Variants in SBF2 observed in about 807,000 individuals in gnomAD.
The protein encoded by SBF2 is SET binding factor 2, also known as myotubularin-related protein 13.
In SBF2, 112 loss-of-function variants were observed where a neutral mutation model predicts 225.2. The ratio of observed to expected loss-of-function variants is 0.50; its 90% confidence interval spans 0.43 to 0.58. The LOEUF (loss-of-function observed/expected upper bound fraction) is 0.58, where lower values mean the gene tolerates loss of function less well. Among genes scored for constraint, SBF2 ranks in the 20% least tolerant of loss-of-function variants. The probability of loss-of-function intolerance (pLI) is 0.00; values close to 1 mark genes in which losing one functional copy is unlikely to be tolerated. For synonymous variants in SBF2, 763 were observed against 773.3 expected (o/e 0.99, Z 0.22); for missense variants, 1,996 against 2,206.2 (o/e 0.90, Z 1.91).
intron 2 of SBF2, among the ~76,000 whole-genome samples, chr11:10,157,630 C>T (rs996668143): frequency 2.0e-5 from 3 of 152,106 alleles, no homozygotes; most frequent in South Asian, 2.1e-4. Context: ...AAGCTTAGGG[C>T]TCCCACTGAT....
intron 1 of SBF2, among the ~76,000 whole-genome samples, chr11:10,264,655 T>C (rs1004056762): frequency 2.2e-4 from 33 of 152,302 alleles, no homozygotes; most frequent in African/African-American, 7.9e-4. Flanking sequence ...TACATAGTTA[T>C]ATACATGCTA....
chr11:9,837,304 G>A (rs995532901), intron 26 of SBF2, among the ~76,000 whole-genome samples: 2 of 152,166 alleles, frequency 1.3e-5, no homozygotes, highest in African/African-American at 4.8e-5. Context: ...ACTCATGGGA[G>A]CTCATTCTTA....
intron 13 of SBF2, among the ~76,000 whole-genome samples, chr11:9,969,759 C>T (rs557864385): frequency 6.6e-6 from 1 of 152,324 alleles, no homozygotes; most frequent in South Asian, 2.1e-4. Flanking sequence ...CACTCTCTCA[C>T]ATACTTTACA....
At chr11:9,790,840 A>G (rs758389172) in intron 33 of SBF2, 157 bp from the exon 34 acceptor site, 3 of 582,096 alleles carry the variant, frequency 5.2e-6, no homozygotes, top group Non-Finnish European at 9.0e-6. Context: ...CTGCAAAGCT[A>G]AAGACCGGAA....
At chr11:10,141,702 G>A (rs950203540) in intron 2 of SBF2, among the ~76,000 whole-genome samples, 4 of 152,094 alleles carry the variant, frequency 2.6e-5, no homozygotes, top group African/African-American at 9.7e-5. Context: ...ATACTAGTAA[G>A]TATAGGATTG....
intron 9 of SBF2, among the ~76,000 whole-genome samples, chr11:9,996,473 T>A (rs1334869878): frequency 6.6e-6 from 1 of 152,232 alleles, no homozygotes; most frequent in African/African-American, 2.4e-5. Context: ...CACTGCAACC[T>A]CCGCCTCCCA....
intron 2 of SBF2, among the ~76,000 whole-genome samples, chr11:10,074,233 T>C (rs976017414): frequency 6.6e-6 from 1 of 152,176 alleles, no homozygotes; most frequent in South Asian, 2.1e-4. Context: ...TATCTTTTAA[T>C]TTTTCTATGT....
At chr11:10,100,001 A>G (rs930177715) in intron 2 of SBF2, among the ~76,000 whole-genome samples, 1 of 152,200 alleles carries the variant, frequency 6.6e-6, no homozygotes, top group African/African-American at 2.4e-5. Flanking sequence ...CTTATCTATC[A>G]ATAATTACTT....
At chr11:9,930,019 G>A (rs1590495625) in intron 16 of SBF2, among the ~76,000 whole-genome samples, 2 of 152,184 alleles carry the variant, frequency 1.3e-5, no homozygotes, top group Non-Finnish European at 2.9e-5. Flanking sequence ...AGAGCATTAC[G>A]GAAAAGAGCT....
At chr11:10,085,527 CTTTTGT>C (rs1217547600) in intron 2 of SBF2, among the ~76,000 whole-genome samples, 9 of 152,044 alleles carry the variant, frequency 5.9e-5, no homozygotes, top group African/African-American at 2.4e-5. Flanking sequence ...TTCTCTCCTG[CTTTTGT>C]TTTTATCATT....
intron 16 of SBF2, chr11:9,960,173 A>C (rs1418355616): frequency 1.3e-5 from 2 of 154,904 alleles, no homozygotes; most frequent in Non-Finnish European, 2.9e-5. Context: ...AGTTCTTGTA[A>C]TCGGAGCATT....
At chr11:10,050,183 A>C (rs1429263399) in intron 2 of SBF2, among the ~76,000 whole-genome samples, 2 of 152,232 alleles carry the variant, frequency 1.3e-5, no homozygotes, top group Admixed American at 6.5e-5. Flanking sequence ...ATCTTTAAAG[A>C]AACTACAGGT....
intron 1 of SBF2, among the ~76,000 whole-genome samples, chr11:10,240,575 G>A (rs374519233): frequency 2.0e-5 from 3 of 152,222 alleles, no homozygotes; most frequent in Admixed American, 6.5e-5. Flanking sequence ...TGAGTTTGGT[G>A]GTATGACTAA....
chr11:9,992,476 G>C lies in SBF2; in HGVS notation c.1235C>G (p.Ala412Gly). ...DFLTKVLSGM[A>G]FAGFVSERGP... is the part of the protein sequence containing the mutation. ...TCTTTCTGAAACAAAACCTGCAAAT[G>C]CCATTCCACTGAGTACTTTAGTGAG... Residue 412 changes from alanine to glycine, a missense_variant, in exon 12 of 40, where the codon GCA becomes GGA. By Grantham distance (60) the Ala-to-Gly change is moderately conservative (BLOSUM62 0). Coordinates refer to ENST00000256190, the MANE Select transcript of SBF2 (RefSeq NM_030962.4). The C allele has an allele frequency of 6.2e-7, 1 of 1,613,088 alleles. No homozygotes were observed. Among genetic ancestry groups the C allele is most frequent in the Non-Finnish European group, 8.5e-7 (1 of 1,179,352 alleles).
At chr11:10,049,425 G>C (rs1949984438) in intron 2 of SBF2, among the ~76,000 whole-genome samples, 1 of 152,082 alleles carries the variant, frequency 6.6e-6, no homozygotes, top group African/African-American at 2.4e-5. Context: ...TGGCCAACAT[G>C]GTGAAACCCC....
rs554416035 is a variant in SBF2, at chr11:10,166,402, T to A, written c.141+27500A>T. On this transcript the variant is annotated intron_variant, in intron 2 of 39. Transcript: ENST00000256190. Reference sequence around the variant, plus strand: ...CTATCAATAACCACAGGATGCATTATAATCTACCAGTCAGCCTTTTTATAC... The same window carrying A: ...CTATCAATAACCACAGGATGCATTAAAATCTACCAGTCAGCCTTTTTATAC... Among the ~76,000 whole-genome samples, 5 of 152,276 alleles carry A rather than the reference T, an allele frequency of 3.3e-5. No homozygotes were observed. In the East Asian group the frequency reaches 9.7e-4, roughly 29 times the overall value.
At chr11:9,917,285 T>A (rs989842692) in intron 16 of SBF2, among the ~76,000 whole-genome samples, 5 of 151,688 alleles carry the variant, frequency 3.3e-5, no homozygotes, top group African/African-American at 1.2e-4. Context: ...TTTCCTTCCT[T>A]GGCCTCTGTG....
chr11:10,286,452 T>C (rs1963797805), intron 1 of SBF2, among the ~76,000 whole-genome samples: 1 of 151,706 alleles, frequency 6.6e-6, no homozygotes. Flanking sequence ...CTCTGCCTCC[T>C]GAGTTCAAGC....
chr11:10,262,754 CTTGA>C (rs1211246686), intron 1 of SBF2, among the ~76,000 whole-genome samples: 1 of 152,012 alleles, frequency 6.6e-6, no homozygotes, highest in African/African-American at 2.4e-5. Context: ...ACCAAGTATC[CTTGA>C]TTTTTTTGAG....
Sources: gnomAD v4.1 joint callset for allele counts (sites outside exome capture counted in the v4.1 genomes callset) on GRCh38, gnomAD v4.1.1 for gene constraint, MANE v1.5 for transcripts, NCBI Gene and HGNC (gene_info 2026-07-23, HGNC 2026-07-21) for gene names.